Variants in TANC2 observed in about 807,000 individuals in gnomAD.
TANC2 encodes tetratricopeptide repeat, ankyrin repeat and coiled-coil containing 2, also known as protein TANC2.
A neutral mutation model predicts 210.5 loss-of-function variants in TANC2; 26 were observed. That is an observed-to-expected ratio of 0.12 (90% CI 0.09 to 0.17). TANC2 has a LOEUF of 0.17. TANC2 is among the 10% of genes least tolerant of loss of function. The probability of loss-of-function intolerance (pLI) is 1.00; values close to 1 mark genes in which losing one functional copy is unlikely to be tolerated. For missense variants in TANC2, 2,129 were observed against 2,608.9 expected (o/e 0.82, Z 4.01); for synonymous variants, 931 against 967.1 (o/e 0.96, Z 0.69).
chr17:63,409,844 T>G (rs1350816579), intron 21 of TANC2, among the ~76,000 whole-genome samples: 1 of 152,264 alleles, frequency 6.6e-6, no homozygotes, highest in African/African-American at 2.4e-5. Context: ...TGTATATCCC[T>G]TATCTGAAAT....
intron 14 of TANC2, among the ~76,000 whole-genome samples, chr17:63,364,770 A>T (rs894566835): frequency 5.9e-5 from 9 of 151,972 alleles, no homozygotes; most frequent in African/African-American, 2.2e-4. Context: ...TGGGTGACAG[A>T]GTGAGACCCT....
chr17:63,119,267 G>T (rs1274687607), intron 4 of TANC2, among the ~76,000 whole-genome samples: 1 of 152,138 alleles, frequency 6.6e-6, no homozygotes, highest in Non-Finnish European at 1.5e-5. Flanking sequence ...AAATATATAC[G>T]TCAGTGATAT....
chr17:63,337,988 A>G (rs192501054), intron 11 of TANC2, among the ~76,000 whole-genome samples: 1 of 152,328 alleles, frequency 6.6e-6, no homozygotes, highest in Non-Finnish European at 1.5e-5. Flanking sequence ...CATGGTGTAT[A>G]TGTACCACAT....
chr17:63,309,950 A>C (rs950642194), intron 9 of TANC2, among the ~76,000 whole-genome samples: 6 of 119,056 alleles, frequency 5.0e-5, no homozygotes, highest in African/African-American at 2.6e-4. Flanking sequence ...TCACTGGTAA[A>C]ATTTGTTAAC....
chr17:63,065,922 G>C (rs201881826), intron 2 of TANC2, among the ~76,000 whole-genome samples: 1 of 152,054 alleles, frequency 6.6e-6, no homozygotes, highest in Non-Finnish European at 1.5e-5. Context: ...ACAGGGTCTT[G>C]CTCTGTCGCC....
intron 8 of TANC2, among the ~76,000 whole-genome samples, chr17:63,265,345 G>A (rs1329047042): frequency 1.3e-5 from 2 of 152,108 alleles, no homozygotes; most frequent in African/African-American, 4.8e-5. Context: ...GTATTTCAGG[G>A]AAGGGATACT....
intron 2 of TANC2, among the ~76,000 whole-genome samples, chr17:63,066,722 ATTC>A (rs907684294): frequency 1.5e-4 from 23 of 151,816 alleles, no homozygotes; most frequent in African/African-American, 4.3e-4. Context: ...TTGTCAGGCC[ATTC>A]TTTAGATTAT....
intron 2 of TANC2, among the ~76,000 whole-genome samples, chr17:63,015,973 A>G (rs1329150874): frequency 1.3e-5 from 2 of 151,220 alleles, no homozygotes; most frequent in Non-Finnish European, 2.9e-5. Context: ...TTATTCAAGT[A>G]TGCTGGTGGG....
intron 22 of TANC2, 62 bp from the exon 23 acceptor site, chr17:63,411,936 T>A: frequency 6.3e-7 from 1 of 1,589,052 alleles, no homozygotes. Context: ...GCCAGAGCCC[T>A]CGGTGGAACA....
chr17:63,335,743 A>G (rs571560056), intron 11 of TANC2, among the ~76,000 whole-genome samples: 14 of 152,274 alleles, frequency 9.2e-5, no homozygotes, highest in Non-Finnish European at 2.9e-5. Flanking sequence ...AGGAAAAGAC[A>G]TAGTGGAAAA....
chr17:63,168,776 G>A (rs1021041194), intron 5 of TANC2, among the ~76,000 whole-genome samples: 2 of 152,288 alleles, frequency 1.3e-5, no homozygotes, highest in Non-Finnish European at 2.9e-5. Flanking sequence ...AAGGTGGCAA[G>A]GAAGGATTGG....
chr17:63,218,056 G>C (rs2042070448), intron 7 of TANC2, among the ~76,000 whole-genome samples: 1 of 152,152 alleles, frequency 6.6e-6, no homozygotes, highest in South Asian at 2.1e-4. Flanking sequence ...GGTCGAGGTA[G>C]GAGGATCACT....
intron 11 of TANC2, among the ~76,000 whole-genome samples, chr17:63,328,710 G>T (rs1489779199): frequency 1.3e-5 from 2 of 151,110 alleles, no homozygotes; most frequent in Non-Finnish European, 2.9e-5. Context: ...TTTTCAGATA[G>T]ATAGGAAGAA....
intron 7 of TANC2, among the ~76,000 whole-genome samples, chr17:63,232,223 G>T (rs1429717923): frequency 6.6e-6 from 1 of 152,196 alleles, no homozygotes; most frequent in Admixed American, 6.5e-5. Context: ...GCTCTGTGAA[G>T]TTATTACCCA....
chr17:63,060,955 C>T (rs928165787), intron 2 of TANC2, among the ~76,000 whole-genome samples: 1 of 152,092 alleles, frequency 6.6e-6, no homozygotes, highest in African/African-American at 2.4e-5. Flanking sequence ...TGCCTACAGT[C>T]CCAGCTACTT....
intron 12 of TANC2, among the ~76,000 whole-genome samples, chr17:63,346,824 C>T (rs373083304): frequency 6.6e-6 from 1 of 152,156 alleles, no homozygotes. Context: ...CCCACCTCAG[C>T]CTTCTGAGTA....
chr17:63,171,654 T>G (rs2040408705), intron 5 of TANC2, among the ~76,000 whole-genome samples: 1 of 152,196 alleles, frequency 6.6e-6, no homozygotes, highest in African/African-American at 2.4e-5. Context: ...GCAAACCAAT[T>G]TTGAAAGGAA....
intron 2 of TANC2, among the ~76,000 whole-genome samples, chr17:63,037,786 C>G (rs968051572): frequency 8.6e-5 from 13 of 152,040 alleles, no homozygotes; most frequent in Non-Finnish European, 1.6e-4. Flanking sequence ...TGTGTTCCAG[C>G]TGGGCGGCAG....
chr17:63,012,195 A>AT (rs1373192746), intron 2 of TANC2, among the ~76,000 whole-genome samples: 1 of 151,022 alleles, frequency 6.6e-6, no homozygotes, highest in Non-Finnish European at 1.5e-5. Context: ...TTTTTTTTAA[A>AT]TTTTTTGTAG....
Sources: allele counts gnomAD v4.1 joint callset (sites outside exome capture counted in the v4.1 genomes callset), GRCh38; gene constraint gnomAD v4.1.1; transcripts MANE v1.5; gene names NCBI Gene and HGNC (gene_info 2026-07-23, HGNC 2026-07-21).